GRPR: variants seen among roughly 807,000 people sequenced by gnomAD.
The protein encoded by GRPR is gastrin-releasing peptide receptor.
Under a neutral mutation model 15.6 loss-of-function variants are expected in GRPR, and 4 were observed. The ratio of observed to expected loss-of-function variants is 0.26; its 90% CI spans 0.13 to 0.59. The LOEUF is 0.59. GRPR is among the 20% of genes least tolerant of loss of function. GRPR has a pLI of 0.90. For synonymous variants in GRPR, 128 were observed against 126.8 expected, an observed-to-expected ratio of 1.01 and a Z score of -0.06; for missense variants, 270 against 304.1, an observed-to-expected ratio of 0.89 and a Z score of 0.83.
chrX:16,141,420 C>G (rs2147034328), intron 1 of GRPR, among the ~76,000 whole-genome samples: 1 of 112,369 alleles, frequency 8.9e-6, no homozygotes, highest in Admixed American at 9.4e-5. Flanking sequence ...ATGTCAGTAG[C>G]TCTTTCTCTA....
intron 1 of GRPR, among the ~76,000 whole-genome samples, chrX:16,125,096 G>A (rs1922269756): frequency 8.9e-6 from 1 of 112,330 alleles, no homozygotes; most frequent in Non-Finnish European, 1.9e-5. Flanking sequence ...GTTCACTACA[G>A]TTTTTTATTC....
intron 1 of GRPR, among the ~76,000 whole-genome samples, chrX:16,132,849 G>A (rs1215891592): frequency 8.9e-6 from 1 of 111,750 alleles, no homozygotes; most frequent in African/African-American, 3.2e-5. Flanking sequence ...TTCAATTGAT[G>A]ACTCCTAGTA....
intron 1 of GRPR, among the ~76,000 whole-genome samples, chrX:16,131,296 G>GA (rs779575206): frequency 1.8e-5 from 2 of 109,996 alleles, no homozygotes; most frequent in Non-Finnish European, 1.9e-5. Flanking sequence ...CAGAATAAAA[G>GA]AAAAAAAAAT....
At chrX:16,146,403 C>T (rs1020420622) in intron 1 of GRPR, among the ~76,000 whole-genome samples, 1 of 111,412 alleles carries the variant, frequency 9.0e-6, no homozygotes, top group African/African-American at 3.3e-5. Context: ...TCAGCTTCTC[C>T]TCTTATGTCT....
At chrX:16,131,478 C>A (rs1330539320) in intron 1 of GRPR, among the ~76,000 whole-genome samples, 1 of 111,398 alleles carries the variant, frequency 9.0e-6, no homozygotes, top group Non-Finnish European at 1.9e-5. Context: ...TCTACTGAGG[C>A]GTAGTTTATA....
chrX:16,151,332 A>G (rs1922698262), intron 2 of GRPR, among the ~76,000 whole-genome samples: 1 of 112,174 alleles, frequency 8.9e-6, no homozygotes. Flanking sequence ...TTACAAACAA[A>G]TGGTAGAAAG....
At chrX:16,141,466 G>A (rs1382109697) in intron 1 of GRPR, among the ~76,000 whole-genome samples, 1 of 111,915 alleles carries the variant, frequency 8.9e-6, no homozygotes, top group Non-Finnish European at 1.9e-5. Context: ...GTCCTTCACT[G>A]GTGCCATTTT....
Position 16,152,948 on chromosome X carries a change from G to C in GRPR, c.*303G>C. ...CCTCAAGCCCTGTTAAATGGTCGTG[G>C]CCAATTATGTCATAGAAACTGTATG... is the stretch of plus-strand genomic sequence containing the variant. On this transcript the variant is annotated 3_prime_UTR_variant, in exon 3 of 3. Coordinates refer to ENST00000380289, the MANE Select transcript of GRPR (RefSeq NM_005314.3). 3.0e-6 allele frequency: 1 copy of C among 328,260 alleles called. No individual in the cohort carries two copies. The highest frequency in any genetic ancestry group is 5.4e-6 in the Non-Finnish European group (1 of 185,113). The allele number at this position is 328,260 out of a possible 1,213,427, so 27.1% of individuals were successfully genotyped here. A position where few individuals can be genotyped will look rare whatever the true frequency, so the allele number is the denominator to read the frequency against.
intron 1 of GRPR, among the ~76,000 whole-genome samples, chrX:16,126,958 C>T (rs1345677446): frequency 2.7e-5 from 3 of 111,361 alleles, no homozygotes; most frequent in Admixed American, 9.6e-5. Context: ...TATATGTCTG[C>T]GAGTGAAATT....
chrX:16,143,240 A>C (rs189217285), intron 1 of GRPR, among the ~76,000 whole-genome samples: 29 of 112,008 alleles, frequency 2.6e-4, no homozygotes, highest in Middle Eastern at 4.6e-3. Flanking sequence ...CTCCTGCCCC[A>C]TATTACTGCT....
At chrX:16,131,634 C>T (rs1019543679) in intron 1 of GRPR, among the ~76,000 whole-genome samples, 2 of 112,260 alleles carry the variant, frequency 1.8e-5, no homozygotes, top group East Asian at 5.5e-4. Context: ...CCTCCACCTA[C>T]AGATCCTGGC....
Position 16,152,676 on chromosome X carries a change from G to A in GRPR, c.*31G>A, listed in dbSNP as rs748507064. 5 of 1,167,757 alleles carry A rather than the reference G, an allele frequency of 4.3e-6. No homozygotes were observed. The South Asian group carries it at 5.4e-5, about 13-fold the overall frequency. On this transcript the variant is annotated 3_prime_UTR_variant, in exon 3 of 3. Transcript: ENST00000380289. Reference sequence around the variant, plus strand: ...CCCTTGATTTTGCCCCCTGAGGGACGGTTTTGCTTTATGGCTAGACAGGAA... The same window carrying A: ...CCCTTGATTTTGCCCCCTGAGGGACAGTTTTGCTTTATGGCTAGACAGGAA...
rs75623611 is a variant in GRPR, at chrX:16,123,970, G to C, written c.17G>C (p.Cys6Ser). Residue 6 changes from cysteine to serine, a missense_variant, in exon 1 of 3, where the codon TGT (cysteine) becomes TCT (serine). Cys to Ser is a moderately radical substitution (Grantham distance 112, BLOSUM62 -1). Coordinates refer to ENST00000380289, the MANE Select transcript of GRPR (RefSeq NM_005314.3). MALND[C>S]FLLNLEVDHF... The stretch of plus-strand genomic sequence containing the variant: ...AATCTAGAGATGGCTCTAAATGACT[G>C]TTTCCTTCTGAACTTGGAGGTGGAC... 817 of 1,207,272 alleles carry C rather than the reference G, an allele frequency of 6.8e-4. 2 individuals are homozygous for C. The highest frequency in any genetic ancestry group is 2.5e-3 in the Middle Eastern group (11 of 4,349).
Position 16,152,741 on chromosome X carries a change from C to A in GRPR, c.*96C>A. The A allele has an allele frequency of 1.5e-5, 11 of 732,741 alleles. No homozygotes were observed. Among genetic ancestry groups the A allele is most frequent in the Non-Finnish European group, 2.2e-5 (10 of 465,012 alleles). The allele number at this position is 732,741 out of a possible 1,213,427, so 60.4% of individuals were successfully genotyped here. A position where few individuals can be genotyped will look rare whatever the true frequency, so the allele number is the denominator to read the frequency against. ...GTTGTGTCTGTGCCCTCCAAAGAGC[C>A]TTCAGAATGCTCCTGAGTGGTGTAG... On this transcript the variant is annotated 3_prime_UTR_variant, in exon 3 of 3. Coordinates refer to ENST00000380289, the MANE Select transcript of GRPR (RefSeq NM_005314.3).
chrX:16,140,504 G>A, intron 1 of GRPR, among the ~76,000 whole-genome samples: 1 of 111,549 alleles, frequency 9.0e-6, no homozygotes, highest in Non-Finnish European at 1.9e-5. Context: ...AGAGGGCTGG[G>A]CTTCCTGTGT....
Position 16,136,070 on chromosome X carries a change from A to G in GRPR, c.413+11704A>G, listed in dbSNP as rs754999488. Among the ~76,000 whole-genome samples the G allele has an allele frequency of 1.2e-4, 13 of 112,065 alleles. No individual in the cohort carries two copies. The South Asian group carries it at 2.2e-3, about 19-fold the overall frequency. Reference sequence around the variant, plus strand: ...AAAAGACCCGAGCATCTAAAGTGCTATAGGTAAACATAAAAATCTCTGCTG... The same window carrying G: ...AAAAGACCCGAGCATCTAAAGTGCTGTAGGTAAACATAAAAATCTCTGCTG... On this transcript the variant is annotated intron_variant, in intron 1 of 2. Coordinates refer to ENST00000380289, the MANE Select transcript of GRPR (RefSeq NM_005314.3).
At chrX:16,148,151 T>G (rs1349630101) in intron 1 of GRPR, among the ~76,000 whole-genome samples, 2 of 111,917 alleles carry the variant, frequency 1.8e-5, no homozygotes, top group Non-Finnish European at 3.8e-5. Context: ...GTTTAATAAA[T>G]AATAGCCCTC....
chrX:16,148,758 A>G (rs1922644753), intron 1 of GRPR, among the ~76,000 whole-genome samples: 1 of 111,496 alleles, frequency 9.0e-6, no homozygotes, highest in Non-Finnish European at 1.9e-5. Context: ...CCAAAGGCTC[A>G]TCCTCTGGTG....
rs751027033 is a variant in GRPR at position 16,130,053 on chromosome X, A to G, written c.413+5687A>G. ...GGATAGTTCAAGTCCTTTCTCTTCT[A>G]TGAAGCATTCCCTGATCTTTGGCTT... On this transcript the variant is annotated intron_variant, in intron 1 of 2. Coordinates refer to ENST00000380289, the MANE Select transcript of GRPR (RefSeq NM_005314.3). Among the ~76,000 whole-genome samples, 153 of 111,779 alleles carry G rather than the reference A, an allele frequency of 1.4e-3. 1 individual carries two copies. Among genetic ancestry groups the G allele is most frequent in the Non-Finnish European group, 2.0e-3 (107 of 53,101 alleles).
Sources: allele counts gnomAD v4.1 joint callset (sites outside exome capture counted in the v4.1 genomes callset), GRCh38; gene constraint gnomAD v4.1.1; transcripts MANE v1.5; gene names NCBI Gene and HGNC (gene_info 2026-07-23, HGNC 2026-07-21).